PFKFB4: variants seen among roughly 807,000 people sequenced by gnomAD.
PFKFB4 encodes the protein 6-phosphofructo-2-kinase/fructose-2,6-bisphosphatase 4.
A neutral mutation model predicts 62.8 loss-of-function variants in PFKFB4; 42 were observed. That is an observed-to-expected ratio of 0.67 (90% CI 0.52 to 0.86). The LOEUF is 0.86. Among genes scored for constraint, PFKFB4 ranks in the 40% least tolerant of loss-of-function variants. PFKFB4 has a pLI of 0.00. For missense variants in PFKFB4, 475 were observed against 627.2 expected (o/e 0.76, Z 2.59); for synonymous variants, 204 against 240.7 (o/e 0.85, Z 1.41).
chr3:48,540,176 G>C (rs1262792287), intron 4 of PFKFB4, among the ~76,000 whole-genome samples: 1 of 152,190 alleles, frequency 6.6e-6, no homozygotes, highest in Non-Finnish European at 1.5e-5. Context: ...TGACACCCCA[G>C]TAAAATGGGA....
intron 9 of PFKFB4, among the ~76,000 whole-genome samples, chr3:48,528,684 C>T (rs1331037435): frequency 6.6e-6 from 1 of 152,062 alleles, no homozygotes; most frequent in African/African-American, 2.4e-5. Context: ...ATAGAAAACA[C>T]CTTGGACATG....
At chr3:48,551,552 T>TTGTGG (rs1392228459) in intron 1 of PFKFB4, among the ~76,000 whole-genome samples, 1 of 71,466 alleles carries the variant, frequency 1.4e-5, no homozygotes, top group African/African-American at 5.3e-5. Context: ...TTTTTTTTTT[T>TTGTGG]GAGAGGGAGT....
intron 1 of PFKFB4, among the ~76,000 whole-genome samples, chr3:48,551,463 T>C (rs919726221): frequency 6.9e-6 from 1 of 145,690 alleles, no homozygotes; most frequent in East Asian, 2.1e-4. Flanking sequence ...GTGATCCGAC[T>C]GCCTGGGCCT....
At chr3:48,559,501 T>G (rs763655732), upstream of PFKFB4, 1 of 457,062 alleles carries the variant, frequency 2.2e-6, no homozygotes, top group Non-Finnish European at 4.4e-6. Context: ...ACAGTCCACC[T>G]TCACATGTGT....
chr3:48,529,514 G>C (rs1391629505), intron 9 of PFKFB4, among the ~76,000 whole-genome samples: 2 of 152,174 alleles, frequency 1.3e-5, no homozygotes, highest in Non-Finnish European at 2.9e-5. Context: ...CTGCAAAACT[G>C]AATGTTAGCA....
At chr3:48,544,414 C>T (rs1393474185) in intron 3 of PFKFB4, among the ~76,000 whole-genome samples, 1 of 150,138 alleles carries the variant, frequency 6.7e-6, no homozygotes, top group African/African-American at 2.4e-5. Flanking sequence ...CACCTATGAC[C>T]AAACACTGAC....
rs2042698205 is a variant in PFKFB4, at chr3:48,538,522, T to C, written c.608A>G (p.Glu203Gly). 6.2e-7 allele frequency: 1 copy of C among 1,614,022 alleles called. No individual in the cohort carries two copies. ...CCTATCCAGGTCCTCATCTAGCGAC[T>C]CGTAGGAGTTCTCATAGCACTCAAT... ...RRIECYENSY[E>G]SLDEDLDRDL... is the part of the protein sequence containing the mutation. The change falls in exon 7 of 14, where the codon GAG (glutamate) becomes GGG (glycine). Residue 203 changes from glutamate to glycine, a missense_variant. Glu to Gly is a moderately conservative substitution (Grantham distance 98, BLOSUM62 -2). Coordinates refer to ENST00000232375, the MANE Select transcript of PFKFB4 (RefSeq NM_004567.4).
intron 12 of PFKFB4, 61 bp downstream of exon 12, chr3:48,523,476 G>A: frequency 6.8e-7 from 1 of 1,460,470 alleles, no homozygotes; most frequent in Non-Finnish European, 9.6e-7. Flanking sequence ...GAAAATCATG[G>A]AACTGTGCAG....
chr3:48,556,654 A>G lies in PFKFB4; in HGVS notation c.97+27T>C. On this transcript the variant is annotated intron_variant, in intron 1 of 13. Coordinates refer to ENST00000232375, the MANE Select transcript of PFKFB4 (RefSeq NM_004567.4). The surrounding 1 kb of genome is among the most constrained non-coding windows in gnomAD (Gnocchi z 5.7). ...ACCCACCCATCCCGGTGCACCTCCCACCTCCTCCCAGAGGACCCCGCCTCA... is the reference window on the plus strand; with the variant it reads ...ACCCACCCATCCCGGTGCACCTCCCGCCTCCTCCCAGAGGACCCCGCCTCA... 1 of 1,286,714 alleles carries G rather than the reference A, an allele frequency of 7.8e-7. No individual in the cohort carries two copies. Among genetic ancestry groups the G allele is most frequent in the Non-Finnish European group, 1.0e-6 (1 of 982,096 alleles). 79.7% of individuals were successfully genotyped at this position (1,286,714 alleles called of 1,614,324 possible).
chr3:48,523,643 G>A (rs779124600), intron 11 of PFKFB4, 44 bp from the exon 12 acceptor site: 18 of 1,613,974 alleles, frequency 1.1e-5, no homozygotes, highest in Admixed American at 1.7e-5. Flanking sequence ...GAAATGCCTG[G>A]TGACAGTGCC....
chr3:48,544,844 CACCCA>C (rs1277766640), intron 3 of PFKFB4, among the ~76,000 whole-genome samples: 4 of 151,772 alleles, frequency 2.6e-5, no homozygotes, highest in Admixed American at 1.3e-4. Context: ...GTGCCTCAGC[CACCCA>C]AGTACCAGGG....
intron 9 of PFKFB4, among the ~76,000 whole-genome samples, chr3:48,527,360 G>A (rs975249098): frequency 6.7e-6 from 1 of 148,570 alleles, no homozygotes; most frequent in African/African-American, 2.5e-5. Flanking sequence ...GCTCACTGCA[G>A]CCTCAAACTT....
Position 48,521,869 on chromosome 3 carries a change from G to T in PFKFB4, c.1350+117C>A. On this transcript the variant is annotated intron_variant, in intron 13 of 13. Transcript: ENST00000232375. This position sits in a 1 kb window ranked among gnomAD's most constrained non-coding sequence, Gnocchi z 5.3. ...TGCTGATGGGACAACAGTCTTGGCA[G>T]AAGACTCAAGCTCCCTCTGGCAGGT... The T allele has an allele frequency of 1.1e-6, 1 of 880,176 alleles. No individual in the cohort carries two copies. The highest frequency in any genetic ancestry group is 1.9e-6 in the Non-Finnish European group (1 of 523,030). 54.5% of individuals were successfully genotyped at this position (880,176 alleles called of 1,614,324 possible).
chr3:48,536,683 G>A (rs1429578089), intron 7 of PFKFB4: 1 of 548,770 alleles, frequency 1.8e-6, no homozygotes, highest in Non-Finnish European at 3.3e-6. Flanking sequence ...CGGGAGATGG[G>A]AGGTGCTCGT....
At chr3:48,533,722 C>T (rs750514809) in intron 9 of PFKFB4, among the ~76,000 whole-genome samples, 2 of 152,014 alleles carry the variant, frequency 1.3e-5, no homozygotes, top group Non-Finnish European at 2.9e-5. Flanking sequence ...GGTGTGGTGG[C>T]GGGTGCCTAT....
At chr3:48,524,647 C>T (rs1487517091) in intron 10 of PFKFB4, among the ~76,000 whole-genome samples, 2 of 152,144 alleles carry the variant, frequency 1.3e-5, no homozygotes, top group Non-Finnish European at 2.9e-5. Context: ...TGAACTTGGC[C>T]TAACATAATG....
At chr3:48,562,705 C>T (rs1003131154), upstream of PFKFB4, 2 of 1,336,778 alleles carry the variant, frequency 1.5e-6, no homozygotes, top group Non-Finnish European at 2.0e-6. The surrounding 1 kb of genome is among the most constrained non-coding windows in gnomAD (Gnocchi z 4.3). Flanking sequence ...CCAGATGTGG[C>T]AGCATCCGTC....
In PFKFB4 at chr3:48,538,553, T is replaced by A; in HGVS notation, c.577A>T (p.Arg193Trp). The A allele has an allele frequency of 1.9e-6, 3 of 1,614,166 alleles. No individual in the cohort carries two copies. Among genetic ancestry groups the A allele is most frequent in the Non-Finnish European group, 2.5e-6 (3 of 1,180,036 alleles). The change falls in exon 7 of 14, where the codon AGG (arginine) becomes TGG (tryptophan). Residue 193 changes from arginine to tryptophan, a missense_variant. Transcript: ENST00000232375. ...GAGTTCTCATAGCACTCAATGCGCC[T>A]CATGAAGTCCTCCGTAGCCTCATCA... ...DSDEATEDFMRRIECYENSYE... is the reference protein window; with the variant it reads ...DSDEATEDFMWRIECYENSYE...
intron 9 of PFKFB4, among the ~76,000 whole-genome samples, chr3:48,528,498 C>T (rs984177572): frequency 2.0e-5 from 3 of 152,046 alleles, no homozygotes; most frequent in Non-Finnish European, 4.4e-5. Flanking sequence ...CCCATCTCTA[C>T]AAACAAATAC....
Sources: allele counts gnomAD v4.1 joint callset (sites outside exome capture counted in the v4.1 genomes callset), GRCh38; gene constraint gnomAD v4.1.1; non-coding constraint Gnocchi (gnomAD v3.1); transcripts MANE v1.5; gene names NCBI Gene and HGNC (gene_info 2026-07-23, HGNC 2026-07-21).